The following COL24A1 variants were observed in gnomAD, a reference collection of about 807,000 sequenced individuals.
The protein encoded by COL24A1 is collagen alpha-1(XXIV) chain.
A neutral mutation model predicts 253.9 loss-of-function variants in COL24A1; 224 were observed. The observed-to-expected ratio is 0.88, with a 90% CI of 0.79 to 0.99. The LOEUF is 0.99. Ranked by LOEUF, COL24A1 falls within the 50% of genes least tolerant of loss-of-function variation. COL24A1 has a pLI of 0.00. For synonymous variants in COL24A1, 685 were observed against 673.7 expected (o/e 1.02, Z -0.26); for missense variants, 2,131 against 2,068.5 (o/e 1.03, Z -0.59).
chr1:85,801,004 AAATT>A (rs1371037845), intron 47 of COL24A1, among the ~76,000 whole-genome samples: 1 of 152,184 alleles, frequency 6.6e-6, no homozygotes, highest in African/African-American at 2.4e-5. Flanking sequence ...ACAAAAAACA[AAATT>A]AATAAAACAA....
At chr1:86,100,619 T>C (rs1704361540) in intron 5 of COL24A1, among the ~76,000 whole-genome samples, 1 of 152,124 alleles carries the variant, frequency 6.6e-6, no homozygotes, top group South Asian at 2.1e-4. Context: ...TGACACACGC[T>C]GGGATCCCTA....
At chr1:85,897,629 C>T (rs944932725) in intron 28 of COL24A1, among the ~76,000 whole-genome samples, 5 of 152,006 alleles carry the variant, frequency 3.3e-5, no homozygotes, top group Non-Finnish European at 7.4e-5. Context: ...GCAAAAAAGC[C>T]GTTGCAAAAG....
chr1:85,881,429 C>T (rs1681831234), intron 32 of COL24A1, among the ~76,000 whole-genome samples: 2 of 150,874 alleles, frequency 1.3e-5, no homozygotes, highest in South Asian at 4.2e-4. Context: ...CCAGCCTGAC[C>T]AACCTGGTGA....
chr1:86,109,818 A>G (rs1051771473), intron 5 of COL24A1, among the ~76,000 whole-genome samples: 3 of 152,288 alleles, frequency 2.0e-5, no homozygotes, highest in African/African-American at 4.8e-5. Flanking sequence ...TTCAAAATTT[A>G]TATGTTGAAA....
chr1:86,108,803 G>A (rs557279194), intron 5 of COL24A1, among the ~76,000 whole-genome samples: 5 of 103,390 alleles, frequency 4.8e-5, no homozygotes, highest in African/African-American at 9.7e-5. Context: ...GCAAAATTCC[G>A]TCTCAAAAAA....
intron 42 of COL24A1, among the ~76,000 whole-genome samples, chr1:85,838,971 A>T (rs1035186463): frequency 6.6e-6 from 1 of 152,254 alleles, no homozygotes. Flanking sequence ...AGGCTGAGGC[A>T]GGAGGATCCC....
At chr1:85,860,830 T>A (rs1228034715) in intron 37 of COL24A1, among the ~76,000 whole-genome samples, 1 of 152,240 alleles carries the variant, frequency 6.6e-6, no homozygotes, top group Non-Finnish European at 1.5e-5. Flanking sequence ...TCGAGGTTAA[T>A]CCATGCTGCA....
At chr1:86,011,423 G>T (rs533203500) in intron 19 of COL24A1, among the ~76,000 whole-genome samples, 1 of 152,004 alleles carries the variant, frequency 6.6e-6, no homozygotes, top group South Asian at 2.1e-4. Context: ...TAGTTCACTG[G>T]GCTAACTCAG....
At chr1:86,078,772 A>G (rs114744497) in intron 7 of COL24A1, among the ~76,000 whole-genome samples, 3,207 of 152,258 alleles carry the variant, frequency 0.021, 39 homozygotes, top group Middle Eastern at 0.068. Flanking sequence ...TCTATAATAA[A>G]AACTATAAAA....
intron 24 of COL24A1, among the ~76,000 whole-genome samples, chr1:85,919,886 G>T (rs370360897): frequency 6.6e-6 from 1 of 152,246 alleles, no homozygotes; most frequent in South Asian, 2.1e-4. Context: ...GTGAATTTAC[G>T]TATTAACATA....
Position 86,035,838 on chromosome 1 carries a change from A to G in COL24A1, c.1951-1915T>C, listed in dbSNP as rs141694943. Among the ~76,000 whole-genome samples the G allele has an allele frequency of 2.6e-3, 395 of 152,182 alleles. 2 individuals carry two copies. The highest frequency in any genetic ancestry group is 9.1e-3 in the African/African-American group (380 of 41,542). On this transcript the variant is annotated intron_variant, in intron 12 of 59. Coordinates refer to ENST00000370571, the MANE Select transcript of COL24A1 (RefSeq NM_152890.7). ...GCCTAGAGAATGTGCTGTTCTCCCAATCCTTCCCAGTCCCTTGCATCCAGT... is the reference window on the plus strand; with the variant it reads ...GCCTAGAGAATGTGCTGTTCTCCCAGTCCTTCCCAGTCCCTTGCATCCAGT...
intron 21 of COL24A1, 146 bp downstream of exon 21, chr1:85,971,194 C>A (rs752525294): frequency 1.4e-6 from 1 of 693,428 alleles, no homozygotes; most frequent in Non-Finnish European, 2.5e-6. Flanking sequence ...GGGCAAGAGA[C>A]CAAGACTCTG....
At chr1:85,991,559 A>G (rs1224153831) in intron 19 of COL24A1, among the ~76,000 whole-genome samples, 1 of 152,166 alleles carries the variant, frequency 6.6e-6, no homozygotes, top group African/African-American at 2.4e-5. Flanking sequence ...TGTTTGTGAT[A>G]TACATTTGTT....
intron 52 of COL24A1, among the ~76,000 whole-genome samples, chr1:85,777,325 C>A (rs1025337479): frequency 1.3e-5 from 2 of 152,034 alleles, no homozygotes; most frequent in African/African-American, 2.4e-5. Context: ...GTATTAACAA[C>A]CTGGTATGTA....
At chr1:85,975,524 T>C (rs566618189) in intron 20 of COL24A1, among the ~76,000 whole-genome samples, 12 of 152,074 alleles carry the variant, frequency 7.9e-5, no homozygotes, top group African/African-American at 2.9e-4. Flanking sequence ...GAAAGACAAA[T>C]GTTGCATGTT....
chr1:85,849,244 T>C, intron 38 of COL24A1, 109 bp downstream of exon 38: 1 of 601,310 alleles, frequency 1.7e-6, no homozygotes, highest in East Asian at 2.9e-5. Context: ...ACATTTATAA[T>C]TCTTTACTAC....
chr1:85,761,456 T>C, intron 54 of COL24A1, 34 bp from the exon 55 acceptor site: 2 of 1,613,978 alleles, frequency 1.2e-6, no homozygotes, highest in Non-Finnish European at 1.7e-6. Context: ...AATACACATT[T>C]ATTTAGTAGA....
intron 57 of COL24A1, among the ~76,000 whole-genome samples, chr1:85,744,156 G>A (rs897484498): frequency 1.3e-5 from 2 of 151,658 alleles, no homozygotes; most frequent in Non-Finnish European, 2.9e-5. Context: ...ATTCATTTTT[G>A]CACCTCTGGC....
intron 19 of COL24A1, among the ~76,000 whole-genome samples, chr1:85,988,118 C>A (rs1033991220): frequency 1.3e-5 from 2 of 150,836 alleles, no homozygotes; most frequent in Non-Finnish European, 3.0e-5. Flanking sequence ...AAAAACAGCA[C>A]CCAAAATTAT....
Sources: gnomAD v4.1 joint callset for allele counts (sites outside exome capture counted in the v4.1 genomes callset) on GRCh38, gnomAD v4.1.1 for gene constraint, MANE v1.5 for transcripts, NCBI Gene and HGNC (gene_info 2026-07-23, HGNC 2026-07-21) for gene names.